Variants in NCKAP5 observed in about 807,000 individuals in gnomAD.
NCKAP5 encodes the protein NCK associated protein 5, also known as nck-associated protein 5.
Under a neutral mutation model 167.0 loss-of-function variants are expected in NCKAP5, and 92 were observed. The ratio of observed to expected loss-of-function variants is 0.55; its 90% CI spans 0.47 to 0.66. The LOEUF (loss-of-function observed/expected upper bound fraction) is 0.66. NCKAP5 is among the 30% of genes least tolerant of loss of function. The pLI, the probability that NCKAP5 is intolerant of heterozygous loss-of-function variation, is 0.00. For synonymous variants in NCKAP5, 891 were observed against 877.4 expected (o/e 1.02, Z -0.27); for missense variants, 2,378 against 2,315.0 (o/e 1.03, Z -0.56).
At chr2:133,023,905 A>G (rs2078612460) in intron 6 of NCKAP5, among the ~76,000 whole-genome samples, 1 of 152,138 alleles carries the variant, frequency 6.6e-6, no homozygotes, top group African/African-American at 2.4e-5. Flanking sequence ...TGCTGTGAAA[A>G]TCATCTTATT....
At chr2:132,962,082 T>C (rs1234533453) in intron 8 of NCKAP5, among the ~76,000 whole-genome samples, 1 of 152,188 alleles carries the variant, frequency 6.6e-6, no homozygotes, top group Non-Finnish European at 1.5e-5. Flanking sequence ...TGATATTTGT[T>C]CTGCTCTGTG....
At chr2:132,787,892 G>T (rs953390228) in intron 13 of NCKAP5, among the ~76,000 whole-genome samples, 1 of 152,106 alleles carries the variant, frequency 6.6e-6, no homozygotes, top group African/African-American at 2.4e-5. Context: ...GAAAAATGTG[G>T]ATCTGTTTGA....
chr2:132,994,472 G>C (rs539258303), intron 6 of NCKAP5, among the ~76,000 whole-genome samples: 1 of 152,114 alleles, frequency 6.6e-6, no homozygotes, highest in East Asian at 1.9e-4. Context: ...TTTATACTTG[G>C]ACATCTAAAC....
At chr2:133,008,240 C>T (rs1390303071) in intron 6 of NCKAP5, among the ~76,000 whole-genome samples, 1 of 152,106 alleles carries the variant, frequency 6.6e-6, no homozygotes, top group African/African-American at 2.4e-5. Flanking sequence ...CTTCTCTCAC[C>T]TCCCAGCTAG....
intron 8 of NCKAP5, among the ~76,000 whole-genome samples, chr2:132,903,912 T>C (rs900651325): frequency 2.6e-5 from 4 of 152,194 alleles, no homozygotes; most frequent in Admixed American, 2.0e-4. Context: ...GTATAAAATA[T>C]ACATTGTATA....
chr2:132,960,334 G>A (rs912327710), intron 8 of NCKAP5, among the ~76,000 whole-genome samples: 4 of 152,154 alleles, frequency 2.6e-5, no homozygotes, highest in Non-Finnish European at 5.9e-5. Context: ...GGGAGAAGGT[G>A]TCTGAGGGAG....
At chr2:132,910,731 AT>A (rs1297685297) in intron 8 of NCKAP5, among the ~76,000 whole-genome samples, 3 of 152,172 alleles carry the variant, frequency 2.0e-5, no homozygotes, top group Non-Finnish European at 4.4e-5. Context: ...ATTGCAATTC[AT>A]TTTTTTCTTT....
At chr2:133,447,523 T>G (rs924800806) in intron 3 of NCKAP5, among the ~76,000 whole-genome samples, 1 of 140,622 alleles carries the variant, frequency 7.1e-6, no homozygotes, top group Admixed American at 7.2e-5. Context: ...TCCTTTCCCT[T>G]CCTTTCCCTT....
At chr2:133,168,610 G>A (rs1047531) in intron 5 of NCKAP5, among the ~76,000 whole-genome samples, 2 of 152,162 alleles carry the variant, frequency 1.3e-5, no homozygotes, top group African/African-American at 2.4e-5. Context: ...GAGTCACTGA[G>A]TTCAATTTGC....
chr2:133,263,890 T>C (rs1384601271), intron 4 of NCKAP5, among the ~76,000 whole-genome samples: 2 of 152,226 alleles, frequency 1.3e-5, no homozygotes, highest in African/African-American at 4.8e-5. Context: ...AAATATATGC[T>C]AGAAACTTGC....
intron 7 of NCKAP5, among the ~76,000 whole-genome samples, chr2:132,982,509 A>T (rs1233676758): frequency 1.3e-5 from 2 of 152,230 alleles, no homozygotes; most frequent in East Asian, 1.9e-4. Flanking sequence ...CTTTTAAAAA[A>T]ATATAATTTC....
At chr2:133,241,375 A>G (rs577085170) in intron 4 of NCKAP5, among the ~76,000 whole-genome samples, 1 of 152,346 alleles carries the variant, frequency 6.6e-6, no homozygotes, top group Admixed American at 6.5e-5. Flanking sequence ...AACATGATCA[A>G]AATCACTAAT....
At chr2:133,126,704 T>C (rs2149783158) in intron 6 of NCKAP5, among the ~76,000 whole-genome samples, 1 of 152,326 alleles carries the variant, frequency 6.6e-6, no homozygotes, top group Middle Eastern at 3.4e-3. Context: ...TTCCTCTCTT[T>C]AAGGAGTAGT....
intron 8 of NCKAP5, among the ~76,000 whole-genome samples, chr2:132,942,179 A>G (rs959409912): frequency 1.3e-5 from 2 of 152,240 alleles, no homozygotes; most frequent in African/African-American, 4.8e-5. Flanking sequence ...CTTGCCATCT[A>G]TATCCAATCT....
At chr2:133,548,423 T>C (rs953188344) in intron 2 of NCKAP5, among the ~76,000 whole-genome samples, 3 of 151,188 alleles carry the variant, frequency 2.0e-5, no homozygotes, top group African/African-American at 4.9e-5. Context: ...AGACACATAA[T>C]TGTCAGATTC....
Position 132,971,194 on chromosome 2 carries a change from C to T in NCKAP5, c.430-7325G>A, listed in dbSNP as rs151295922. Among the ~76,000 whole-genome samples, 396 of 152,220 alleles carry T rather than the reference C, an allele frequency of 2.6e-3. 1 individual carries two copies. The highest frequency in any genetic ancestry group is 4.6e-3 in the Non-Finnish European group (311 of 68,018). ...ACATAAAATAGCACTGTAGTGTGTCCTGTGAGGAAGAGTTTCAAGGTGCTT... is the reference window on the plus strand; with the variant it reads ...ACATAAAATAGCACTGTAGTGTGTCTTGTGAGGAAGAGTTTCAAGGTGCTT... On this transcript the variant is annotated intron_variant, in intron 7 of 19. Transcript: ENST00000409261.
chr2:132,876,143 G>A (rs1691252219), intron 9 of NCKAP5, among the ~76,000 whole-genome samples: 1 of 152,156 alleles, frequency 6.6e-6, no homozygotes, highest in African/African-American at 2.4e-5. Context: ...GGAATGCAGT[G>A]GCAGGATTAT....
intron 3 of NCKAP5, among the ~76,000 whole-genome samples, chr2:133,434,078 C>T (rs910103034): frequency 6.6e-6 from 1 of 152,110 alleles, no homozygotes; most frequent in South Asian, 2.1e-4. Context: ...TTGTTCCAGA[C>T]ACTCATTGCT....
chr2:133,531,705 T>C (rs1301356056), intron 2 of NCKAP5, among the ~76,000 whole-genome samples: 1 of 152,190 alleles, frequency 6.6e-6, no homozygotes, highest in Non-Finnish European at 1.5e-5. Flanking sequence ...GATTTCTTTG[T>C]AGCTACCAAT....
Sources: gnomAD v4.1 joint callset for allele counts (sites outside exome capture counted in the v4.1 genomes callset) on GRCh38, gnomAD v4.1.1 for gene constraint, MANE v1.5 for transcripts, NCBI Gene and HGNC (gene_info 2026-07-23, HGNC 2026-07-21) for gene names.